Variants in PIK3C2B observed in about 807,000 individuals in gnomAD.
PIK3C2B encodes phosphatidylinositol-4-phosphate 3-kinase catalytic subunit type 2 beta, also known as phosphatidylinositol 4-phosphate 3-kinase C2 domain-containing subunit beta.
In PIK3C2B, 83 loss-of-function variants were observed where a neutral mutation model predicts 184.3. That is an observed-to-expected ratio of 0.45 (90% CI 0.38 to 0.54). The LOEUF (loss-of-function observed/expected upper bound fraction) is 0.54, where lower values mean the gene tolerates loss of function less well. PIK3C2B is among the 20% of genes least tolerant of loss of function. The pLI is 0.00. For synonymous variants in PIK3C2B, 779 were observed against 837.6 expected (o/e 0.93, Z 1.21); for missense variants, 1,736 against 2,113.5 (o/e 0.82, Z 3.50).
intron 23 of PIK3C2B, among the ~76,000 whole-genome samples, chr1:204,437,519 A>AAG (rs1675417086): frequency 1.1e-4 from 16 of 152,040 alleles, no homozygotes; most frequent in Admixed American, 1.0e-3. Context: ...CAACAACAAA[A>AAG]CACCTCTGAA....
Position 204,424,847 on chromosome 1 carries a change from T to C in PIK3C2B, c.*5A>G. The C allele has an allele frequency of 1.2e-6, 2 of 1,613,676 alleles. No homozygotes were observed. The highest frequency in any genetic ancestry group is 1.7e-6 in the Non-Finnish European group (2 of 1,179,694). Reference sequence around the variant, plus strand: ...CTGGGATGCTGGGTGGTGGCTCTGCTGGGCTCACAAGGTGCCATGACTTCG... The same window carrying C: ...CTGGGATGCTGGGTGGTGGCTCTGCCGGGCTCACAAGGTGCCATGACTTCG... On this transcript the variant is annotated 3_prime_UTR_variant, in exon 33 of 33. Transcript: ENST00000684373.
Position 204,432,436 on chromosome 1 carries a change from G to T in PIK3C2B, c.3954-35C>A. Reference sequence around the variant, plus strand: ...GGATAAGAAAAGAGGATATAACCATGAACCCAAATTCCTGCTGCCTCGACA... The same window carrying T: ...GGATAAGAAAAGAGGATATAACCATTAACCCAAATTCCTGCTGCCTCGACA... On this transcript the variant is annotated intron_variant, in intron 26 of 32. Transcript: ENST00000684373. 4 of 1,577,016 alleles carry T rather than the reference G, an allele frequency of 2.5e-6. No individual in the cohort carries two copies. The South Asian group carries it at 4.4e-5, about 18-fold the overall frequency.
Position 204,485,519 on chromosome 1 carries a change from T to A in PIK3C2B, c.-85+8837A>T, listed in dbSNP as rs72752082. Among the ~76,000 whole-genome samples the A allele has an allele frequency of 5.1e-3, 771 of 152,124 alleles. 8 individuals carry two copies. The highest frequency in any genetic ancestry group is 0.01 in the Middle Eastern group (3 of 292). On this transcript the variant is annotated intron_variant, in intron 1 of 32. Transcript: ENST00000684373. ...CTCCTTGCTGACCCCCTAAAGTATC[T>A]GCTCTCCACTGCCAGGATAATCTTC...
Position 204,423,774 on chromosome 1 carries a change from G to C in PIK3C2B, c.*1078C>G, listed in dbSNP as rs1674606753. On this transcript the variant is annotated 3_prime_UTR_variant, in exon 33 of 33. Transcript: ENST00000684373. ...GAGGGAAGCAGCACAGCAGAAAGAA[G>C]TGGGGAGTGATGGATGGGGAATGCT... 1 of 152,752 alleles carries C rather than the reference G, an allele frequency of 6.5e-6. No homozygotes were observed. Among genetic ancestry groups the C allele is most frequent in the African/African-American group, 2.4e-5 (1 of 41,456 alleles). The allele number at this position is 152,752 out of a possible 1,614,324, so 9.5% of individuals were successfully genotyped here.
chr1:204,441,518 A>C lies in PIK3C2B; in HGVS notation c.3202T>G (p.Phe1068Val). ...NSNAVPLKLS[F>V]QNVDPLGENI... is the part of the protein sequence containing the mutation. ...TCACCCAGGGGATCCACATTTTGGAAGGAGAGTTTGAGGGGGACAGCATTG... is the reference window on the plus strand; with the variant it reads ...TCACCCAGGGGATCCACATTTTGGACGGAGAGTTTGAGGGGGACAGCATTG... The change falls in exon 21 of 33, where the codon TTC becomes GTC. Residue 1068 changes from phenylalanine (F) to valine (V), a missense_variant. Physicochemically the swap from Phe to Val is conservative, Grantham distance 50 (BLOSUM62 -1). This residue lies in a region of PIK3C2B where 289 missense variants were observed against 380.4 expected (regional missense o/e 0.76). Transcript: ENST00000684373. The C allele has an allele frequency of 6.2e-7, 1 of 1,613,552 alleles. No homozygotes were observed. The highest frequency in any genetic ancestry group is 1.3e-5 in the African/African-American group (1 of 75,044).
intron 2 of PIK3C2B, among the ~76,000 whole-genome samples, chr1:204,468,087 A>G (rs1655965124): frequency 6.6e-6 from 1 of 152,192 alleles, no homozygotes; most frequent in Admixed American, 6.5e-5. Context: ...GTCATACTGC[A>G]TATTTTTTCT....
At chr1:204,463,756 A>G (rs775752305) in intron 5 of PIK3C2B, among the ~76,000 whole-genome samples, 13 of 150,828 alleles carry the variant, frequency 8.6e-5, no homozygotes, top group Non-Finnish European at 1.9e-4. Context: ...CTGCAAGCAG[A>G]TATGACCTAG....
chr1:204,463,958 C>T, intron 5 of PIK3C2B, 54 bp downstream of exon 5: 1 of 1,588,838 alleles, frequency 6.3e-7, no homozygotes, highest in African/African-American at 1.3e-5. Flanking sequence ...CATGAAGCCC[C>T]CTCACAATCT....
At chr1:204,471,812 A>T (rs1372882275) in intron 1 of PIK3C2B, among the ~76,000 whole-genome samples, 1 of 152,256 alleles carries the variant, frequency 6.6e-6, no homozygotes, top group African/African-American at 2.4e-5. Context: ...ACTATAAATG[A>T]AAAGTACAAG....
At chr1:204,440,785 AT>A (rs1572305771) in intron 21 of PIK3C2B, among the ~76,000 whole-genome samples, 1 of 146,794 alleles carries the variant, frequency 6.8e-6, no homozygotes, top group East Asian at 2.0e-4. Context: ...ATATATATAT[AT>A]ATTTTTAGTA....
rs925944663 is a variant in PIK3C2B, at chr1:204,465,162, C to T, written c.1034+57G>A. On this transcript the variant is annotated intron_variant, in intron 3 of 32. Coordinates refer to ENST00000684373, the MANE Select transcript of PIK3C2B (RefSeq NM_001377334.1). ...CTAAAGAAAGTTTGGAAATGGATGGCCCCCCTCCCCATCCCCCATAGCCCT... is the reference window on the plus strand; with the variant it reads ...CTAAAGAAAGTTTGGAAATGGATGGTCCCCCTCCCCATCCCCCATAGCCCT... 18 of 709,972 alleles carry T rather than the reference C, an allele frequency of 2.5e-5. No individual in the cohort carries two copies. The East Asian group carries it at 4.4e-4, about 17-fold the overall frequency. The allele number at this position is 709,972 out of a possible 1,614,324, so 44.0% of individuals were successfully genotyped here.
At chr1:204,478,103 G>A (rs900604146) in intron 1 of PIK3C2B, among the ~76,000 whole-genome samples, 1 of 152,128 alleles carries the variant, frequency 6.6e-6, no homozygotes, top group African/African-American at 2.4e-5. Context: ...CTCAGCTCTA[G>A]GACTTCCCCA....
intron 17 of PIK3C2B, 56 bp downstream of exon 17, chr1:204,444,275 A>G: frequency 3.3e-6 from 5 of 1,500,454 alleles, no homozygotes; most frequent in Non-Finnish European, 4.6e-6. Flanking sequence ...ATGCAGACTC[A>G]CTTGGGATAC....
intron 2 of PIK3C2B, 147 bp downstream of exon 2, chr1:204,468,723 C>T: frequency 1.5e-6 from 1 of 684,176 alleles, no homozygotes; most frequent in Non-Finnish European, 2.4e-6. Context: ...CTGGACCTCC[C>T]CCACCAGGGC....
intron 1 of PIK3C2B, among the ~76,000 whole-genome samples, chr1:204,479,683 G>T (rs539710442): frequency 1.3e-5 from 2 of 152,166 alleles, no homozygotes; most frequent in Non-Finnish European, 2.9e-5. Flanking sequence ...GCTTTGCCTC[G>T]ATACAGCATT....
At chr1:204,455,810 G>A (rs1332812048) in intron 11 of PIK3C2B, 46 bp downstream of exon 11, 1 of 1,484,230 alleles carries the variant, frequency 6.7e-7, no homozygotes, top group Non-Finnish European at 9.2e-7. Context: ...CCTGGTGGAG[G>A]TCAAACTCAG....
intron 1 of PIK3C2B, among the ~76,000 whole-genome samples, chr1:204,470,165 C>A (rs892161229): frequency 2.7e-5 from 4 of 149,778 alleles, no homozygotes; most frequent in African/African-American, 9.9e-5. Flanking sequence ...GAGAGAGAGG[C>A]ACCTTTTTTT....
intron 1 of PIK3C2B, among the ~76,000 whole-genome samples, chr1:204,494,057 AG>A (rs1355386299): frequency 2.0e-5 from 3 of 152,210 alleles, no homozygotes; most frequent in Non-Finnish European, 2.9e-5. Flanking sequence ...GCTGGGAGCC[AG>A]GAAGTGTGTT....
In PIK3C2B at chr1:204,455,853, C is replaced by T. The variant is rs371154347; in HGVS notation, c.1943+3G>A. The T allele has an allele frequency of 8.8e-5, 142 of 1,608,360 alleles. No homozygotes were observed. The African/African-American group carries it at 1.7e-3, about 19-fold the overall frequency. On this transcript the variant is annotated splice_donor_region_variant and intron_variant, in intron 11 of 32. Coordinates refer to ENST00000684373, the MANE Select transcript of PIK3C2B (RefSeq NM_001377334.1). ...CCTAGCGGCTACTCAGCCCTGGGCT[C>T]ACCTGGTAGCCCAGATGATGGGGAT...
Sources: allele counts gnomAD v4.1 joint callset (sites outside exome capture counted in the v4.1 genomes callset), GRCh38; gene constraint gnomAD v4.1.1; regional missense constraint gnomAD v4.1.1; transcripts MANE v1.5; gene names NCBI Gene and HGNC (gene_info 2026-07-23, HGNC 2026-07-21).